Variants in GATA4 observed in about 807,000 individuals in gnomAD.
GATA4 encodes GATA binding protein 4.
GATA4 carries 7 observed loss-of-function variants against 37.9 expected under a neutral mutation model. The ratio of observed to expected loss-of-function variants is 0.18; its 90% CI spans 0.11 to 0.35. The LOEUF (loss-of-function observed/expected upper bound fraction) is 0.35, where lower values mean the gene tolerates loss of function less well. Among genes scored for constraint, GATA4 ranks in the 10% least tolerant of loss-of-function variants. The pLI is 1.00. For missense variants in GATA4, 647 were observed against 653.0 expected (o/e 0.99, Z 0.10); for synonymous variants, 372 against 292.6 (o/e 1.27, Z -2.77).
In GATA4 at chr8:11,708,682, G is replaced by A. The variant is rs1351935838; in HGVS notation, c.370G>A (p.Ala124Thr). 7.0e-6 allele frequency: 9 copies of A among 1,280,302 alleles called. No homozygotes were observed. Among genetic ancestry groups the A allele is most frequent in the Non-Finnish European group, 8.8e-6 (9 of 1,017,932 alleles). The allele number at this position is 1,280,302 out of a possible 1,614,324, so 79.3% of individuals were successfully genotyped here. ...GTCCCTGGCGGCCGCCGCCGCCGCTGCCGCGGCCCGGGAAGCTGCGGCCTA... is the reference window on the plus strand; with the variant it reads ...GTCCCTGGCGGCCGCCGCCGCCGCTACCGCGGCCCGGGAAGCTGCGGCCTA... ...TGSLAAAAAA[A>T]AAREAAAYSS... Residue 124 changes from alanine to threonine, a missense_variant, in exon 2 of 7, where the codon GCC becomes ACC. Transcript: ENST00000532059. The surrounding 1 kb of genome is among the most constrained non-coding windows in gnomAD (Gnocchi z 6.7).
chr8:11,758,714 A>G lies in GATA4; in HGVS notation c.*239A>G. The G allele has an allele frequency of 5.3e-6, 3 of 570,542 alleles. No individual in the cohort carries two copies. Among genetic ancestry groups the G allele is most frequent in the Non-Finnish European group, 9.5e-6 (3 of 316,918 alleles). 35.3% of individuals were successfully genotyped at this position (570,542 alleles called of 1,614,324 possible). On this transcript the variant is annotated 3_prime_UTR_variant, in exon 7 of 7. Transcript: ENST00000532059. ...CCACCCTTCAGCACGAGCACACTGC[A>G]TCTCTCCTGTGAGTTGGAGACTTCT...
intron 1 of GATA4, among the ~76,000 whole-genome samples, chr8:11,693,850 G>A (rs372658897): frequency 2.0e-5 from 3 of 152,198 alleles, no homozygotes; most frequent in African/African-American, 7.2e-5. Context: ...GTGGGTGTCA[G>A]TGCATGAACA....
intron 2 of GATA4, among the ~76,000 whole-genome samples, chr8:11,737,853 C>T (rs1322453652): frequency 6.6e-6 from 1 of 152,138 alleles, no homozygotes; most frequent in Non-Finnish European, 1.5e-5. Context: ...ATGATGCTAG[C>T]CCCTGACATA....
At position 11,748,920 on chromosome 8, in the gene GATA4, T is replaced by C; in HGVS notation, c.621T>C (p.Asp207=). The C allele has an allele frequency of 6.2e-7, 1 of 1,614,244 alleles. No homozygotes were observed. The highest frequency in any genetic ancestry group is 8.5e-7 in the Non-Finnish European group (1 of 1,180,048). ...NPAARHPNLV[D]MFDDFSEGRE... is the part of the protein sequence containing the mutation. ...TGTCTGTTCCCCCCAACTCAGTAGA[T>C]ATGTTTGACGACTTCTCAGAAGGCA... is the stretch of plus-strand genomic sequence containing the variant. The change falls in exon 3 of 7, where the codon GAT becomes GAC. Residue 207 remains aspartate, a synonymous_variant. Coordinates refer to ENST00000532059, the MANE Select transcript of GATA4 (RefSeq NM_001308093.3).
chr8:11,680,799 T>A, intron 1 of GATA4: 3 of 985,306 alleles, frequency 3.0e-6, no homozygotes, highest in Non-Finnish European at 3.6e-6. Context: ...CCCCTCGCCC[T>A]GCTCACCCCG....
intron 2 of GATA4, among the ~76,000 whole-genome samples, chr8:11,735,687 C>T (rs1801420547): frequency 2.6e-5 from 4 of 152,176 alleles, no homozygotes; most frequent in Admixed American, 2.6e-4. Context: ...TTCAGCCTCC[C>T]CAGTAGCTGG....
intron 2 of GATA4, among the ~76,000 whole-genome samples, chr8:11,742,105 T>G (rs1190405620): frequency 2.0e-5 from 3 of 152,128 alleles, no homozygotes; most frequent in Admixed American, 2.0e-4. Context: ...CACCCTACTA[T>G]GAGCACAGAC....
chr8:11,702,493 G>T (rs1799712281), upstream of GATA4, among the ~76,000 whole-genome samples: 2 of 151,568 alleles, frequency 1.3e-5, no homozygotes, highest in Admixed American at 6.6e-5. This position sits in a 1 kb window ranked among gnomAD's most constrained non-coding sequence, Gnocchi z 4.4. Context: ...ATGATTGCCG[G>T]TTTCAAACCG....
At chr8:11,728,338 GA>G (rs1801038132) in intron 2 of GATA4, among the ~76,000 whole-genome samples, 1 of 152,152 alleles carries the variant, frequency 6.6e-6, no homozygotes, top group Non-Finnish European at 1.5e-5. Context: ...ATCATTAAAG[GA>G]AATATTGAAA....
chr8:11,739,405 G>C (rs1400059546), intron 2 of GATA4, among the ~76,000 whole-genome samples: 1 of 152,180 alleles, frequency 6.6e-6, no homozygotes, highest in East Asian at 1.9e-4. Context: ...GTTTATTCCA[G>C]TGAATTATTA....
At chr8:11,693,558 C>CAGAGAGAG (rs1335915996) in intron 1 of GATA4, among the ~76,000 whole-genome samples, 8 of 82,400 alleles carry the variant, frequency 9.7e-5, no homozygotes, top group African/African-American at 3.5e-4. Context: ...CACACACACA[C>CAGAGAGAG]ACACAGAGAG....
intron 1 of GATA4, chr8:11,680,422 G>C (rs1447989027): frequency 1.0e-6 from 1 of 958,028 alleles, no homozygotes; most frequent in South Asian, 4.8e-5. Context: ...ACGAGGCTGA[G>C]GAGCTCCCTC....
intron 1 of GATA4, among the ~76,000 whole-genome samples, chr8:11,696,099 C>A (rs1024554130): frequency 6.6e-6 from 1 of 152,180 alleles, no homozygotes. Context: ...TGCTCTTTTT[C>A]CTTCTGCTTT....
chr8:11,706,597 C>G (rs903058265), intron 1 of GATA4, among the ~76,000 whole-genome samples: 1 of 152,152 alleles, frequency 6.6e-6, no homozygotes, highest in African/African-American at 2.4e-5. Context: ...GTGTTTATTC[C>G]GTAAGTCTCA....
chr8:11,716,527 T>A (rs1226665664), intron 2 of GATA4, among the ~76,000 whole-genome samples: 1 of 152,236 alleles, frequency 6.6e-6, no homozygotes, highest in African/African-American at 2.4e-5. Flanking sequence ...TTTGCTTATT[T>A]CACAGGAGGT....
intron 2 of GATA4, among the ~76,000 whole-genome samples, chr8:11,747,380 C>T (rs995665042): frequency 1.3e-5 from 2 of 151,994 alleles, no homozygotes; most frequent in African/African-American, 2.4e-5. Flanking sequence ...AAGGTGATGG[C>T]GGGGAGGGGT....
chr8:11,741,491 A>T (rs919972240), intron 2 of GATA4, among the ~76,000 whole-genome samples: 2 of 151,962 alleles, frequency 1.3e-5, no homozygotes, highest in African/African-American at 4.8e-5. Flanking sequence ...AAAACAAACA[A>T]ACAAAAAAAG....
chr8:11,724,912 G>C (rs1800843717), intron 2 of GATA4, among the ~76,000 whole-genome samples: 1 of 152,232 alleles, frequency 6.6e-6, no homozygotes, highest in South Asian at 2.1e-4. Context: ...TCTTTCTCTT[G>C]AGCTCCTGTA....
In GATA4 at chr8:11,707,189, G is replaced by T. The variant is rs1799924445; in HGVS notation, c.-457-667G>T. ...CAAAACGTCTAAATTGTAACTATTT[G>T]CAAGAAACCTGTAACTTGTCCGATT... On this transcript the variant is annotated intron_variant, in intron 1 of 6. Transcript: ENST00000532059. This position sits in a 1 kb window ranked among gnomAD's most constrained non-coding sequence, Gnocchi z 4.7. Among the ~76,000 whole-genome samples the T allele has an allele frequency of 6.6e-6, 1 of 152,136 alleles. No homozygotes were observed. The highest frequency in any genetic ancestry group is 2.4e-5 in the African/African-American group (1 of 41,424).
Sources: gnomAD v4.1 joint callset for allele counts (sites outside exome capture counted in the v4.1 genomes callset) on GRCh38, gnomAD v4.1.1 for gene constraint, Gnocchi (gnomAD v3.1) non-coding constraint, MANE v1.5 for transcripts, NCBI Gene and HGNC (gene_info 2026-07-23, HGNC 2026-07-21) for gene names.